Variants in TMEM132B observed in about 807,000 individuals in gnomAD.
TMEM132B encodes the protein transmembrane protein 132B.
In TMEM132B, 18 loss-of-function variants were observed where a neutral mutation model predicts 90.8. The ratio of observed to expected loss-of-function variants is 0.20; its 90% confidence interval spans 0.14 to 0.29. The LOEUF (loss-of-function observed/expected upper bound fraction) is 0.29. Ranked by LOEUF, TMEM132B falls within the 10% of genes least tolerant of loss-of-function variation. TMEM132B has a pLI of 1.00. For missense variants in TMEM132B, 1,096 were observed against 1,326.8 expected (o/e 0.83, Z 2.70); for synonymous variants, 504 against 523.3 (o/e 0.96, Z 0.50).
intron 6 of TMEM132B, among the ~76,000 whole-genome samples, chr12:125,647,065 G>A (rs566853327): frequency 1.3e-5 from 2 of 152,196 alleles, no homozygotes; most frequent in African/African-American, 4.8e-5. Flanking sequence ...GAAAGAGGGA[G>A]AACAAAAGCC....
chr12:125,585,388 A>C (rs4435061), intron 5 of TMEM132B: 93,408 of 152,056 alleles, frequency 0.61, 30,557 homozygotes, highest in Middle Eastern at 0.76. Flanking sequence ...AGGAGATTAT[A>C]TGCACCAATG....
chr12:125,394,440 A>G (rs1879115383), intron 2 of TMEM132B, among the ~76,000 whole-genome samples: 2 of 152,174 alleles, frequency 1.3e-5, no homozygotes, highest in Non-Finnish European at 2.9e-5. Context: ...ACACATGAGG[A>G]TGATGGCAGT....
At chr12:125,379,241 G>C (rs1878586657) in intron 2 of TMEM132B, among the ~76,000 whole-genome samples, 1 of 152,194 alleles carries the variant, frequency 6.6e-6, no homozygotes. Flanking sequence ...ATTTAGGCTT[G>C]ATCAGCTGAG....
At chr12:125,463,556 A>C (rs1035862769) in intron 3 of TMEM132B, among the ~76,000 whole-genome samples, 1 of 152,158 alleles carries the variant, frequency 6.6e-6, no homozygotes, top group Non-Finnish European at 1.5e-5. Context: ...ATGACCGTGC[A>C]CTTGGAGAGA....
chr12:125,316,172 A>G (rs746467473), intron 1 of TMEM132B, among the ~76,000 whole-genome samples: 1 of 152,244 alleles, frequency 6.6e-6, no homozygotes, highest in Non-Finnish European at 1.5e-5. Flanking sequence ...ACACAGATCC[A>G]TATCTGCCTC....
chr12:125,266,781 C>G (rs1462626713), intron 1 of TMEM132B, among the ~76,000 whole-genome samples: 1 of 152,208 alleles, frequency 6.6e-6, no homozygotes, highest in Admixed American at 6.5e-5. Context: ...GGCTTCTTAT[C>G]CAAGTCCCAG....
chr12:125,416,743 A>G (rs1880025409), intron 3 of TMEM132B, among the ~76,000 whole-genome samples: 1 of 152,210 alleles, frequency 6.6e-6, no homozygotes, highest in African/African-American at 2.4e-5. Context: ...TCCATTAGGA[A>G]TCACTAACTA....
At chr12:125,604,626 T>C (rs75256433) in intron 5 of TMEM132B, among the ~76,000 whole-genome samples, 4,200 of 152,198 alleles carry the variant, frequency 0.028, 211 homozygotes, top group African/African-American at 0.096. Context: ...AAAAAATAAA[T>C]AAATTGATGA....
intron 5 of TMEM132B, among the ~76,000 whole-genome samples, chr12:125,610,657 A>T (rs1320555014): frequency 6.6e-6 from 1 of 152,018 alleles, no homozygotes; most frequent in Non-Finnish European, 1.5e-5. Context: ...GTGTGTGTAT[A>T]TATGTTTTAT....
At chr12:125,432,387 A>G (rs200937735) in intron 3 of TMEM132B, among the ~76,000 whole-genome samples, 58 of 53,694 alleles carry the variant, frequency 1.1e-3, no homozygotes, top group Non-Finnish European at 1.2e-3. Flanking sequence ...ATATATATAT[A>G]TATATATATA....
Position 125,659,428 on chromosome 12 carries a change from G to A in TMEM132B, c.*4718G>A, listed in dbSNP as rs1887154001. The A allele has an allele frequency of 6.6e-6, 1 of 152,292 alleles. No individual in the cohort carries two copies. The highest frequency in any genetic ancestry group is 1.5e-5 in the Non-Finnish European group (1 of 68,170). 9.4% of individuals were successfully genotyped at this position (152,292 alleles called of 1,614,324 possible). ...TGGCTTGGTCTTGTATATGTATCTG[G>A]GGCAGGGGCTTTGTACTGGGCCCAG... On this transcript the variant is annotated 3_prime_UTR_variant, in exon 9 of 9. Transcript: ENST00000682704.
At chr12:125,228,774 GA>G (rs1350635033) in intron 1 of TMEM132B, among the ~76,000 whole-genome samples, 3 of 152,190 alleles carry the variant, frequency 2.0e-5, no homozygotes, top group African/African-American at 7.2e-5. Context: ...CCCAGCTCCA[GA>G]GAGGGATCCT....
At position 125,276,391 on chromosome 12, in the gene TMEM132B, G is replaced by C. The variant is rs377274401; in HGVS notation, c.68-73061G>C. Among the ~76,000 whole-genome samples the C allele has an allele frequency of 6.6e-5, 10 of 152,324 alleles. No individual in the cohort carries two copies. In the South Asian group the frequency reaches 2.1e-3, roughly 32 times the overall value. ...ATCACAGTGACCAGAACTGCAGAGAGTTGTTTTGGGCATTTGGCTAATTAG... is the reference window on the plus strand; with the variant it reads ...ATCACAGTGACCAGAACTGCAGAGACTTGTTTTGGGCATTTGGCTAATTAG... On this transcript the variant is annotated intron_variant, in intron 1 of 8. Transcript: ENST00000682704.
intron 4 of TMEM132B, among the ~76,000 whole-genome samples, chr12:125,564,865 C>T (rs937143034): frequency 3.3e-5 from 5 of 152,092 alleles, no homozygotes; most frequent in African/African-American, 4.8e-5. Flanking sequence ...TAAGAGGGGG[C>T]GTTTACAGAG....
chr12:125,377,095 T>G (rs1051316949), intron 2 of TMEM132B, among the ~76,000 whole-genome samples: 44 of 152,222 alleles, frequency 2.9e-4, no homozygotes, highest in South Asian at 4.1e-4. Flanking sequence ...GTTTCCCCAG[T>G]GCTGCTGCTA....
chr12:125,230,731 C>T (rs957472482), intron 1 of TMEM132B, among the ~76,000 whole-genome samples: 29 of 151,360 alleles, frequency 1.9e-4, no homozygotes, highest in South Asian at 2.1e-4. Context: ...GTCTCGATCT[C>T]CTGACCTCAT....
intron 1 of TMEM132B, among the ~76,000 whole-genome samples, chr12:125,274,008 T>C (rs1593064275): frequency 1.3e-5 from 2 of 152,190 alleles, no homozygotes. Context: ...CCCAGTCTCA[T>C]TCCCTCTCCC....
At position 125,425,278 on chromosome 12, in the gene TMEM132B, T is replaced by C. The variant is rs1880284277; in HGVS notation, c.1106+9601T>C. ...CCTGACTTGTACAAAGAATTTTCAA[T>C]TATACATTTACAAAAATGTAATAGC... On this transcript the variant is annotated intron_variant, in intron 3 of 8. Transcript: ENST00000682704. Among the ~76,000 whole-genome samples, 4 of 152,326 alleles carry C rather than the reference T, an allele frequency of 2.6e-5. No individual in the cohort carries two copies. The South Asian group carries it at 8.3e-4, about 32-fold the overall frequency.
chr12:125,224,702 C>A (rs1298742182), intron 1 of TMEM132B, among the ~76,000 whole-genome samples: 1 of 152,360 alleles, frequency 6.6e-6, no homozygotes, highest in East Asian at 1.9e-4. Context: ...AGAAAAACCC[C>A]AACTGAATAT....
Sources: allele counts gnomAD v4.1 joint callset (sites outside exome capture counted in the v4.1 genomes callset), GRCh38; gene constraint gnomAD v4.1.1; transcripts MANE v1.5; gene names NCBI Gene and HGNC (gene_info 2026-07-23, HGNC 2026-07-21).